PTPN4: variants seen among roughly 807,000 people sequenced by gnomAD.
PTPN4 encodes protein tyrosine phosphatase non-receptor type 4, also known as tyrosine-protein phosphatase non-receptor type 4.
Under a neutral mutation model 135.5 loss-of-function variants are expected in PTPN4, and 49 were observed. The ratio of observed to expected loss-of-function variants is 0.36; its 90% confidence interval spans 0.29 to 0.46. The LOEUF (loss-of-function observed/expected upper bound fraction) is 0.46. Among genes scored for constraint, PTPN4 ranks in the 20% least tolerant of loss-of-function variants. The pLI is 1.00. For missense variants in PTPN4, 860 were observed against 1,101.0 expected (o/e 0.78, Z 3.10); for synonymous variants, 333 against 369.9 (o/e 0.90, Z 1.14).
chr2:119,967,696 G>A, intron 25 of PTPN4, 141 bp from the exon 26 acceptor site: 2 of 646,164 alleles, frequency 3.1e-6, no homozygotes, highest in South Asian at 4.8e-5. Flanking sequence ...AAAATATTCT[G>A]TATTTGGCTT....
At chr2:119,858,506 T>G (rs973209958) in intron 2 of PTPN4, among the ~76,000 whole-genome samples, 15 of 152,170 alleles carry the variant, frequency 9.9e-5, no homozygotes, top group Non-Finnish European at 1.9e-4. Context: ...TACTCAAATG[T>G]TTTATTATTT....
At chr2:119,805,704 T>G (rs987647653) in intron 1 of PTPN4, among the ~76,000 whole-genome samples, 4 of 152,222 alleles carry the variant, frequency 2.6e-5, no homozygotes, top group African/African-American at 9.6e-5. Flanking sequence ...TAGTTTGAAG[T>G]CAGATAGTGT....
intron 9 of PTPN4, among the ~76,000 whole-genome samples, chr2:119,886,137 C>T (rs1374815900): frequency 1.3e-5 from 2 of 151,910 alleles, no homozygotes; most frequent in Non-Finnish European, 2.9e-5. Context: ...AGATATAGTA[C>T]CTTTAGAATA....
intron 10 of PTPN4, among the ~76,000 whole-genome samples, chr2:119,909,596 C>A (rs1574399863): frequency 6.6e-6 from 1 of 152,118 alleles, no homozygotes; most frequent in Admixed American, 6.6e-5. Context: ...TTTTGACTTT[C>A]AAATCTTTTT....
intron 12 of PTPN4, among the ~76,000 whole-genome samples, chr2:119,922,947 CAG>C (rs1678760162): frequency 6.6e-6 from 1 of 152,316 alleles, no homozygotes; most frequent in African/African-American, 2.4e-5. Context: ...TTTATTGGCA[CAG>C]AGTTTATAAT....
chr2:119,763,288 C>T (rs1293709380), intron 1 of PTPN4, among the ~76,000 whole-genome samples: 1 of 152,032 alleles, frequency 6.6e-6, no homozygotes, highest in Non-Finnish European at 1.5e-5. Context: ...AAAATTACAT[C>T]GTATAGACTA....
chr2:119,763,496 T>TAATC (rs895910562), intron 1 of PTPN4, among the ~76,000 whole-genome samples: 3 of 152,262 alleles, frequency 2.0e-5, no homozygotes, highest in Admixed American at 2.0e-4. Context: ...TAGGTATTAT[T>TAATC]AATCCCCTGT....
At chr2:119,869,647 C>T (rs544212612) in intron 3 of PTPN4, among the ~76,000 whole-genome samples, 2 of 152,292 alleles carry the variant, frequency 1.3e-5, no homozygotes, top group African/African-American at 4.8e-5. Context: ...AGGATTTGAA[C>T]TTGCCCGTAG....
rs150843760 is a variant in PTPN4, at chr2:119,967,080, G to C, written c.2559-757G>C. On this transcript the variant is annotated intron_variant, in intron 25 of 26. Coordinates refer to ENST00000263708, the MANE Select transcript of PTPN4 (RefSeq NM_002830.4). ...ACACCATTTTATATCCCAAGTCCCT[G>C]ATAACTACTGCATTCGTGTTCACAG... Among the ~76,000 whole-genome samples the C allele has an allele frequency of 2.0e-5, 3 of 152,340 alleles. No homozygotes were observed. In the East Asian group the frequency reaches 5.8e-4, roughly 29 times the overall value.
intron 9 of PTPN4, among the ~76,000 whole-genome samples, chr2:119,891,439 C>T (rs912308679): frequency 3.3e-5 from 5 of 152,152 alleles, no homozygotes; most frequent in African/African-American, 7.2e-5. Flanking sequence ...TCTCGTGCCT[C>T]AGCCTCCCCA....
chr2:119,976,227 GA>G (rs1679616094), intron 26 of PTPN4, among the ~76,000 whole-genome samples: 1 of 151,890 alleles, frequency 6.6e-6, no homozygotes, highest in Admixed American at 6.6e-5. Flanking sequence ...TCGATCTCCT[GA>G]CCTCGTGATC....
At chr2:119,808,452 A>G (rs1691521671) in intron 1 of PTPN4, among the ~76,000 whole-genome samples, 1 of 152,232 alleles carries the variant, frequency 6.6e-6, no homozygotes, top group Admixed American at 6.5e-5. Flanking sequence ...GAGCCAAATC[A>G]TGAGTGAACT....
chr2:119,881,423 A>G (rs534960649), intron 5 of PTPN4, among the ~76,000 whole-genome samples: 2 of 152,278 alleles, frequency 1.3e-5, no homozygotes, highest in African/African-American at 4.8e-5. Context: ...ATTGCTTACA[A>G]TGCTCTTCCA....
At chr2:119,859,951 T>A (rs921504229) in intron 2 of PTPN4, among the ~76,000 whole-genome samples, 1 of 152,192 alleles carries the variant, frequency 6.6e-6, no homozygotes, top group Admixed American at 6.5e-5. Context: ...AAAGCAGGCT[T>A]TTCTTGGGCT....
At chr2:119,928,286 G>A (rs1029480215) in intron 13 of PTPN4, among the ~76,000 whole-genome samples, 4 of 151,904 alleles carry the variant, frequency 2.6e-5, no homozygotes, top group African/African-American at 7.3e-5. Context: ...ACTGAGCCAC[G>A]TCCCTGCCTC....
chr2:119,844,329 G>C (rs1334986472), intron 2 of PTPN4, among the ~76,000 whole-genome samples: 54 of 116,156 alleles, frequency 4.6e-4, no homozygotes, highest in Admixed American at 4.0e-3. Context: ...GGACGGGGCG[G>C]CTGGCCGGGC....
chr2:119,797,403 T>C (rs1041058457), intron 1 of PTPN4, among the ~76,000 whole-genome samples: 1 of 152,236 alleles, frequency 6.6e-6, no homozygotes. Context: ...CAGGTAGATA[T>C]ACTCCCCTAT....
At chr2:119,875,633 A>C (rs1268858622) in intron 3 of PTPN4, among the ~76,000 whole-genome samples, 3 of 152,180 alleles carry the variant, frequency 2.0e-5, no homozygotes, top group African/African-American at 7.2e-5. Flanking sequence ...TGAGTCATTC[A>C]GCAGGTTTAG....
At chr2:119,919,768 G>A (rs1678709983) in intron 11 of PTPN4, among the ~76,000 whole-genome samples, 1 of 146,928 alleles carries the variant, frequency 6.8e-6, no homozygotes, top group Non-Finnish European at 1.5e-5. Flanking sequence ...AGGTTGCAGT[G>A]AGCCAAGATC....
Sources: allele counts gnomAD v4.1 joint callset (sites outside exome capture counted in the v4.1 genomes callset), GRCh38; gene constraint gnomAD v4.1.1; transcripts MANE v1.5; gene names NCBI Gene and HGNC (gene_info 2026-07-23, HGNC 2026-07-21).